The following DCBLD1 variants were observed in gnomAD, a reference collection of about 807,000 sequenced individuals.
DCBLD1 encodes discoidin, CUB and LCCL domain-containing protein 1.
In DCBLD1, 57 loss-of-function variants were observed where a neutral mutation model predicts 71.5. The observed-to-expected ratio is 0.80, with a 90% CI of 0.64 to 0.99. The LOEUF (loss-of-function observed/expected upper bound fraction) is 0.99. Among genes scored for constraint, DCBLD1 ranks in the 50% least tolerant of loss-of-function variants. The probability of loss-of-function intolerance (pLI) is 0.00; values close to 1 mark genes in which losing one functional copy is unlikely to be tolerated. For synonymous variants in DCBLD1, 380 were observed against 363.8 expected (o/e 1.04, Z -0.51); for missense variants, 891 against 923.5 (o/e 0.96, Z 0.46).
intron 2 of DCBLD1, among the ~76,000 whole-genome samples, chr6:117,515,311 C>T (rs1335119639): frequency 2.0e-5 from 3 of 152,052 alleles, no homozygotes; most frequent in Admixed American, 6.6e-5. Flanking sequence ...CGTGAGCCAC[C>T]GTGCCTGGCC....
At chr6:117,553,436 C>A (rs1413183174), downstream of DCBLD1, among the ~76,000 whole-genome samples, 1 of 152,142 alleles carries the variant, frequency 6.6e-6, no homozygotes, top group African/African-American at 2.4e-5. Context: ...TCCTATTATC[C>A]CTTTTTCCTT....
Position 117,548,418 on chromosome 6 carries a change from G to A in DCBLD1, c.2127G>A (p.Thr709=), listed in dbSNP as rs143684178. The part of the protein sequence containing the change: ...PRDCLTPLNQ[T]AMTALL ...ACTGCCTCACACCCCTCAACCAGACGGCCATGACTGCCCTTTTGTGAACAC... is the reference window on the plus strand; with the variant it reads ...ACTGCCTCACACCCCTCAACCAGACAGCCATGACTGCCCTTTTGTGAACAC... Residue 709 remains threonine, a synonymous_variant, in exon 15 of 15, where the codon ACG becomes ACA. Coordinates refer to ENST00000338728, the MANE Select transcript of DCBLD1 (RefSeq NM_001366458.2). The A allele has an allele frequency of 2.5e-4, 383 of 1,550,608 alleles. No homozygotes were observed. In the African/African-American group the frequency reaches 4.4e-3, roughly 18 times the overall value.
intron 14 of DCBLD1, among the ~76,000 whole-genome samples, chr6:117,568,439 G>A (rs11755139): frequency 6.6e-6 from 1 of 152,124 alleles, no homozygotes; most frequent in South Asian, 2.1e-4. Context: ...ATTTTAATAT[G>A]TGCTTAGTTA....
intron 1 of DCBLD1, among the ~76,000 whole-genome samples, chr6:117,499,626 A>G (rs1384638627): frequency 6.6e-6 from 1 of 152,194 alleles, no homozygotes; most frequent in Non-Finnish European, 1.5e-5. Context: ...GATATTGTAT[A>G]CATTTTACCT....
chr6:117,555,962 G>T (rs1422869474), intron 14 of DCBLD1, among the ~76,000 whole-genome samples: 1 of 152,128 alleles, frequency 6.6e-6, no homozygotes, highest in African/African-American at 2.4e-5. Context: ...CACTTAACTA[G>T]CTGTGTGACC....
intron 1 of DCBLD1, among the ~76,000 whole-genome samples, chr6:117,490,626 G>A (rs78827408): frequency 0.031 from 4,647 of 151,698 alleles, 83 homozygotes; most frequent in Non-Finnish European, 0.038. Context: ...TCCTTCTTTG[G>A]TGAGATTCTT....
In DCBLD1 at chr6:117,489,126, G is replaced by A. The variant is rs191459453; in HGVS notation, c.112+6233G>A. On this transcript the variant is annotated intron_variant, in intron 1 of 14. Transcript: ENST00000338728. ...AAGAAGATAGGTGTATTTGGCTCAA[G>A]TTTCTGCAGGCTGTACAGGCATAGC... Among the ~76,000 whole-genome samples, 1,127 of 152,296 alleles carry A rather than the reference G, an allele frequency of 7.4e-3. 17 individuals carry two copies. The highest frequency in any genetic ancestry group is 0.025 in the African/African-American group (1,038 of 41,540).
At chr6:117,487,616 C>T (rs1193740479) in intron 1 of DCBLD1, among the ~76,000 whole-genome samples, 1 of 151,890 alleles carries the variant, frequency 6.6e-6, no homozygotes, top group Admixed American at 6.6e-5. Context: ...AGAGCAAGAC[C>T]CAGTCTCAAA....
rs1156860934 is a variant in DCBLD1, at chr6:117,482,797, CGCG to C, written c.26_28del (p.Gly9del). The C allele has an allele frequency of 7.8e-6, 9 of 1,147,152 alleles. No individual in the cohort carries two copies. The highest frequency in any genetic ancestry group is 9.6e-6 in the Non-Finnish European group (9 of 934,438). 71.1% of individuals were successfully genotyped at this position (1,147,152 alleles called of 1,614,324 possible). On this transcript the variant is annotated inframe_deletion, in exon 1 of 15. Transcript: ENST00000338728. ...CAGCGGGGTCATGGTGCCCGGCGCC[CGCG>C]GCGGCGGCGCACTGGCGCGGGCTGC...
downstream of DCBLD1, among the ~76,000 whole-genome samples, chr6:117,552,023 G>A (rs1779435521): frequency 6.6e-6 from 1 of 152,150 alleles, no homozygotes; most frequent in East Asian, 1.9e-4. Flanking sequence ...TTACTGGGGA[G>A]GCGGGAGGAT....
At chr6:117,549,920 A>C, downstream of DCBLD1, 2 of 921,432 alleles carry the variant, frequency 2.2e-6, no homozygotes, top group Non-Finnish European at 2.6e-6. Flanking sequence ...AGATTAGGCC[A>C]GACCCCAATC....
At chr6:117,531,892 T>G (rs763036091) in intron 5 of DCBLD1, among the ~76,000 whole-genome samples, 9 of 152,228 alleles carry the variant, frequency 5.9e-5, no homozygotes, top group Non-Finnish European at 1.3e-4. Context: ...AGCAGCCATT[T>G]TATTTACTGA....
chr6:117,502,390 G>C (rs1305250070), intron 1 of DCBLD1, among the ~76,000 whole-genome samples: 1 of 152,138 alleles, frequency 6.6e-6, no homozygotes, highest in Non-Finnish European at 1.5e-5. Context: ...CTGGATAATG[G>C]GTAGATCCTT....
rs1422246022 is a variant in DCBLD1, at chr6:117,549,151, C to T, written c.*712C>T. 2.0e-6 allele frequency: 2 copies of T among 985,376 alleles called. No individual in the cohort carries two copies. The highest frequency in any genetic ancestry group is 2.4e-6 in the Non-Finnish European group (2 of 830,006). The allele number at this position is 985,376 out of a possible 1,614,324, so 61.0% of individuals were successfully genotyped here. A position where few individuals can be genotyped will look rare whatever the true frequency, so the allele number is the denominator to read the frequency against. On this transcript the variant is annotated 3_prime_UTR_variant, in exon 15 of 15. Coordinates refer to ENST00000338728, the MANE Select transcript of DCBLD1 (RefSeq NM_001366458.2). The stretch of plus-strand genomic sequence containing the variant: ...TCAGAGGGGGATGCGAAGAGGTCGG[C>T]CCAGCTCCGGTGACCATGAAGGTGG...
intron 5 of DCBLD1, among the ~76,000 whole-genome samples, chr6:117,529,585 A>C (rs1778649972): frequency 6.6e-6 from 1 of 152,232 alleles, no homozygotes; most frequent in Non-Finnish European, 1.5e-5. Context: ...ATTTTCAAAA[A>C]TCAGGTTCAA....
intron 6 of DCBLD1, among the ~76,000 whole-genome samples, chr6:117,536,372 A>G (rs1210447290): frequency 1.3e-5 from 2 of 152,188 alleles, no homozygotes; most frequent in Non-Finnish European, 2.9e-5. Context: ...TTTTCATACC[A>G]CTGACTTTGT....
intron 2 of DCBLD1, among the ~76,000 whole-genome samples, chr6:117,510,962 C>A (rs1260637987): frequency 2.0e-5 from 3 of 152,164 alleles, no homozygotes; most frequent in Non-Finnish European, 4.4e-5. Flanking sequence ...GAGATAGGTC[C>A]TGTTACCAAC....
In DCBLD1 at chr6:117,515,020, GTT is replaced by G. The variant is rs757426605; in HGVS notation, c.326-4780_326-4779del. On this transcript the variant is annotated intron_variant, in intron 2 of 14. Transcript: ENST00000338728. ...GACTTGCTTACCTTACAGTTTGTGG[GTT>G]TTTTTTTTTTTTTTTGAGACGGAGT... Among the ~76,000 whole-genome samples, 7 of 136,990 alleles carry G rather than the reference GTT, an allele frequency of 5.1e-5. No individual in the cohort carries two copies. In the South Asian group the frequency reaches 7.1e-4, roughly 14 times the overall value. 89.9% of individuals were successfully genotyped at this position (136,990 alleles called of 152,430 possible). A position where few individuals can be genotyped will look rare whatever the true frequency, so the allele number is the denominator to read the frequency against.
In DCBLD1 at chr6:117,519,889, G is replaced by A. The variant is rs1473112279; in HGVS notation, c.399G>A (p.Glu133=). 6.8e-6 allele frequency: 11 copies of A among 1,614,124 alleles called. No homozygotes were observed. Among genetic ancestry groups the A allele is most frequent in the African/African-American group, 1.3e-5 (1 of 75,040 alleles). The part of the protein sequence containing the change: ...LNTSEVTVRF[E]SGSHISGRGF... The stretch of plus-strand genomic sequence containing the variant: ...CAAGTGAAGTAACCGTCCGCTTTGA[G>A]AGTGGATCCCACATTTCTGGCCGGG... The change falls in exon 3 of 15, where the codon GAG becomes GAA. Residue 133 remains glutamate, a synonymous_variant. Coordinates refer to ENST00000338728, the MANE Select transcript of DCBLD1 (RefSeq NM_001366458.2).
Sources: gnomAD v4.1 joint callset for allele counts (sites outside exome capture counted in the v4.1 genomes callset) on GRCh38, gnomAD v4.1.1 for gene constraint, MANE v1.5 for transcripts, NCBI Gene and HGNC (gene_info 2026-07-23, HGNC 2026-07-21) for gene names.